Variants in SUPV3L1 observed in about 807,000 individuals in gnomAD.
SUPV3L1 encodes Suv3 like RNA helicase.
In SUPV3L1, 35 loss-of-function variants were observed where a neutral mutation model predicts 70.0. The ratio of observed to expected loss-of-function variants is 0.50; its 90% CI spans 0.38 to 0.66. The LOEUF (loss-of-function observed/expected upper bound fraction) is 0.66, where lower values mean the gene tolerates loss of function less well. Ranked by LOEUF, SUPV3L1 falls within the 30% of genes least tolerant of loss-of-function variation. SUPV3L1 has a pLI of 0.00. For missense variants in SUPV3L1, 777 were observed against 961.5 expected (o/e 0.81, Z 2.54); for synonymous variants, 364 against 341.9 (o/e 1.06, Z -0.71).
chr10:69,193,130 A>C (rs1235388691), intron 6 of SUPV3L1: 1 of 152,240 alleles, frequency 6.6e-6, no homozygotes, highest in Non-Finnish European at 1.5e-5. Flanking sequence ...ATAATTTCCC[A>C]GTCCCACCTA....
chr10:69,199,073 A>G (rs1228995970), intron 9 of SUPV3L1, 31 bp from the exon 10 acceptor site: 2 of 1,554,290 alleles, frequency 1.3e-6, no homozygotes, highest in Non-Finnish European at 1.8e-6. Flanking sequence ...GACTGAGAAC[A>G]CTGATTTAAC....
intron 4 of SUPV3L1, 132 bp from the exon 5 acceptor site, chr10:69,189,135 G>T (rs889327801): frequency 2.2e-6 from 2 of 929,286 alleles, no homozygotes; most frequent in African/African-American, 1.7e-5. Context: ...GAAACCCATT[G>T]TTTAGTTTTT....
intron 6 of SUPV3L1, among the ~76,000 whole-genome samples, chr10:69,194,856 A>T (rs1306057965): frequency 6.7e-6 from 1 of 148,740 alleles, no homozygotes; most frequent in Non-Finnish European, 1.5e-5. Flanking sequence ...AAAAAAAAAG[A>T]GTATAGACTT....
At chr10:69,197,852 A>G (rs1842581830) in intron 8 of SUPV3L1, among the ~76,000 whole-genome samples, 1 of 152,218 alleles carries the variant, frequency 6.6e-6, no homozygotes, top group South Asian at 2.1e-4. Flanking sequence ...TATAAGCATA[A>G]GCCAAGGAAA....
chr10:69,207,664 A>G, intron 13 of SUPV3L1, 129 bp from the exon 14 acceptor site: 1 of 1,170,848 alleles, frequency 8.5e-7, no homozygotes, highest in South Asian at 1.7e-5. Context: ...ATAAAGGAGA[A>G]AAGAAACCAC....
rs1260734430 is a variant in SUPV3L1 at position 69,187,628 on chromosome 10, GT to G, written c.458-10del. The G allele has an allele frequency of 3.0e-5, 46 of 1,556,260 alleles. No individual in the cohort carries two copies. Among genetic ancestry groups the G allele is most frequent in the Non-Finnish European group, 4.0e-5 (46 of 1,137,658 alleles). On this transcript the variant is annotated splice_polypyrimidine_tract_variant and intron_variant, in intron 3 of 14. Coordinates refer to ENST00000359655, the MANE Select transcript of SUPV3L1 (RefSeq NM_003171.5). The stretch of plus-strand genomic sequence containing the variant: ...TGTAGATTGCACATGTTAATACAGT[GT>G]TTTATTTTCCAGCTCATGCGGATGA...
chr10:69,186,377 GGT>G lies in SUPV3L1; in HGVS notation c.350-61_350-60del, dbSNP rs1842233840. ...AAAGACTCTTTGATGAGTTTGGTGTGGTGTGTCTGTGTGCTTTTTAAAATGAG... is the reference window on the plus strand; with the variant it reads ...AAAGACTCTTTGATGAGTTTGGTGTGGTGTCTGTGTGCTTTTTAAAATGAG... On this transcript the variant is annotated intron_variant, in intron 2 of 14. Coordinates refer to ENST00000359655, the MANE Select transcript of SUPV3L1 (RefSeq NM_003171.5). 1.4e-5 allele frequency: 15 copies of G among 1,105,520 alleles called. No individual in the cohort carries two copies. The South Asian group carries it at 1.9e-4, about 14-fold the overall frequency. The allele number at this position is 1,105,520 out of a possible 1,614,324, so 68.5% of individuals were successfully genotyped here.
At chr10:69,195,896 A>G (rs547099562) in intron 7 of SUPV3L1, among the ~76,000 whole-genome samples, 3 of 151,926 alleles carry the variant, frequency 2.0e-5, no homozygotes, top group Non-Finnish European at 4.4e-5. Context: ...CTGTTTGCCA[A>G]CATGCCCCCT....
chr10:69,182,566 A>C (rs944945209), intron 1 of SUPV3L1: 2 of 985,340 alleles, frequency 2.0e-6, no homozygotes, highest in Non-Finnish European at 1.2e-6. Context: ...TGCTTCCTGT[A>C]AGAAGATAGA....
intron 5 of SUPV3L1, among the ~76,000 whole-genome samples, chr10:69,190,280 A>T (rs1422251185): frequency 6.6e-6 from 1 of 152,232 alleles, no homozygotes; most frequent in Non-Finnish European, 1.5e-5. Context: ...GCTAATGATA[A>T]AGACTGAAGC....
At chr10:69,203,917 ATC>A (rs774627830) in intron 13 of SUPV3L1, among the ~76,000 whole-genome samples, 4 of 151,290 alleles carry the variant, frequency 2.6e-5, no homozygotes, top group Non-Finnish European at 4.4e-5. Flanking sequence ...GTAGAGACAG[ATC>A]TCTCTATGTT....
intron 13 of SUPV3L1, among the ~76,000 whole-genome samples, chr10:69,205,069 C>T (rs1273689083): frequency 6.6e-6 from 1 of 152,184 alleles, no homozygotes; most frequent in Non-Finnish European, 1.5e-5. Flanking sequence ...TTGTGCCCAG[C>T]CCTATCAACG....
intron 10 of SUPV3L1, among the ~76,000 whole-genome samples, chr10:69,199,523 A>G (rs1328388210): frequency 2.0e-5 from 3 of 152,010 alleles, no homozygotes; most frequent in South Asian, 2.1e-4. Flanking sequence ...CTGGGACCAC[A>G]GGTGCACACC....
rs33998366 is a variant in SUPV3L1 at position 69,180,296 on chromosome 10, C to A, written c.5C>A (p.Ser2Tyr). 6.2e-7 allele frequency: 1 copy of A among 1,613,364 alleles called. No individual in the cohort carries two copies. The highest frequency in any genetic ancestry group is 1.1e-5 in the South Asian group (1 of 91,036). Residue 2 changes from serine to tyrosine, a missense_variant, in exon 1 of 15, where the codon TCC becomes TAC. Ser to Tyr is a moderately radical substitution (Grantham distance 144). Coordinates refer to ENST00000359655, the MANE Select transcript of SUPV3L1 (RefSeq NM_003171.5). ...AGTGTAGAACCTGCGGCCTCGATGT[C>A]CTTCTCCCGTGCCCTATTGTGGGCT... is the stretch of plus-strand genomic sequence containing the variant. M[S>Y]FSRALLWARL...
chr10:69,206,611 CAA>C (rs1401026240), intron 13 of SUPV3L1, among the ~76,000 whole-genome samples: 1 of 152,182 alleles, frequency 6.6e-6, no homozygotes, highest in African/African-American at 2.4e-5. Flanking sequence ...GAAGCTGAAG[CAA>C]AGAGTGTTGA....
chr10:69,195,889 T>C (rs559540606), intron 7 of SUPV3L1, among the ~76,000 whole-genome samples: 2 of 152,058 alleles, frequency 1.3e-5, no homozygotes, highest in South Asian at 4.2e-4. Flanking sequence ...ACCACAGCTG[T>C]TTGCCAACAT....
At chr10:69,191,060 G>C (rs1842378953) in intron 5 of SUPV3L1, among the ~76,000 whole-genome samples, 1 of 152,168 alleles carries the variant, frequency 6.6e-6, no homozygotes, top group South Asian at 2.1e-4. Context: ...TTTTAATGAA[G>C]TCAAATAGTT....
intron 13 of SUPV3L1, among the ~76,000 whole-genome samples, chr10:69,205,552 G>C (rs1393469038): frequency 3.9e-5 from 6 of 152,034 alleles, no homozygotes; most frequent in Non-Finnish European, 8.8e-5. Flanking sequence ...TTTTCTTTTT[G>C]AGATGAAGTC....
chr10:69,180,683 C>A, intron 1 of SUPV3L1, 121 bp downstream of exon 1: 2 of 1,349,358 alleles, frequency 1.5e-6, no homozygotes, highest in Non-Finnish European at 1.0e-6. Context: ...TGTCATCGTG[C>A]CTCTCAGTGT....
Sources: gnomAD v4.1 joint callset for allele counts (sites outside exome capture counted in the v4.1 genomes callset) on GRCh38, gnomAD v4.1.1 for gene constraint, MANE v1.5 for transcripts, NCBI Gene and HGNC (gene_info 2026-07-23, HGNC 2026-07-21) for gene names.